CLN3: variants seen among roughly 807,000 people sequenced by gnomAD.
CLN3 encodes battenin.
Under a neutral mutation model 60.7 loss-of-function variants are expected in CLN3, and 49 were observed. That is an observed-to-expected ratio of 0.81 (90% CI 0.64 to 1.02). The LOEUF is 1.02. Ranked by LOEUF, CLN3 falls within the 50% of genes least tolerant of loss-of-function variation. The pLI is 0.00. For missense variants in CLN3, 516 were observed against 557.4 expected, an observed-to-expected ratio of 0.93 and a Z score of 0.75; for synonymous variants, 256 against 245.8, an observed-to-expected ratio of 1.04 and a Z score of -0.39.
At chr16:28,469,347 C>T, downstream of CLN3, among the ~76,000 whole-genome samples, 1 of 113,582 alleles carries the variant, frequency 8.8e-6, no homozygotes, top group Non-Finnish European at 2.1e-5. Flanking sequence ...GCCTGTAATC[C>T]CAACACTTTG....
At chr16:28,481,448 A>ACACACG (rs1555467996) in intron 14 of CLN3, among the ~76,000 whole-genome samples, 1 of 131,232 alleles carries the variant, frequency 7.6e-6, no homozygotes, top group Non-Finnish European at 1.6e-5. Context: ...ACACACACAC[A>ACACACG]CACACGCACA....
chr16:28,482,591 GC>G, intron 11 of CLN3, 34 bp downstream of exon 11: 2 of 1,614,110 alleles, frequency 1.2e-6, no homozygotes. Context: ...AGGTGAGCAA[GC>G]CCCACAGGGA....
chr16:28,473,839 G>A (rs2045970704), downstream of CLN3, among the ~76,000 whole-genome samples: 1 of 151,838 alleles, frequency 6.6e-6, no homozygotes. Flanking sequence ...GGTCAATAAG[G>A]ACATGAAAAG....
chr16:28,487,770 A>G (rs763755883), intron 5 of CLN3, 29 bp from the exon 6 acceptor site: 1 of 1,582,564 alleles, frequency 6.3e-7, no homozygotes, highest in Non-Finnish European at 8.6e-7. Flanking sequence ...GTGAGACCGC[A>G]GAGCTTCCAG....
At chr16:28,478,617 T>TAAAAAAAAAAAAAA (rs766238150) in intron 14 of CLN3, among the ~76,000 whole-genome samples, 10 of 74,352 alleles carry the variant, frequency 1.3e-4, no homozygotes, top group African/African-American at 7.6e-4. Context: ...TCCTGTCTCA[T>TAAAAAAAAAAAAAA]AAAAAAAAAA....
In CLN3 at chr16:28,482,533, A is replaced by G. The variant is rs201090501; in HGVS notation, c.850T>C (p.Tyr284His). The G allele has an allele frequency of 3.1e-6, 5 of 1,614,192 alleles. No homozygotes were observed. The highest frequency in any genetic ancestry group is 1.7e-5 in the Admixed American group (1 of 60,008). The change falls in exon 12 of 16, where the codon TAC becomes CAC. Residue 284 changes from tyrosine to histidine, a missense_variant. Coordinates refer to ENST00000636147, the MANE Select transcript of CLN3 (RefSeq NM_001042432.2). ...TAAACTACGACCAAGGGAACAATGT[A>G]CCACAGCAGACCCTGGAAAAGGCAG... ...RWTVFKGLLW[Y>H]IVPLVVVYFA...
At chr16:28,485,428 C>T (rs1250344506) in intron 9 of CLN3, among the ~76,000 whole-genome samples, 1 of 150,424 alleles carries the variant, frequency 6.6e-6, no homozygotes, top group Non-Finnish European at 1.5e-5. Context: ...ATTAGCCAGG[C>T]ATGGTGGCAT....
chr16:28,491,893 G>A (rs2046321105), intron 1 of CLN3, 58 bp from the exon 2 acceptor site: 2 of 1,178,888 alleles, frequency 1.7e-6, no homozygotes, highest in Admixed American at 2.0e-5. Context: ...GGCTTGTCTA[G>A]GGCACTCGCG....
chr16:28,478,326 T>C (rs1381438249), intron 14 of CLN3, among the ~76,000 whole-genome samples: 1 of 144,532 alleles, frequency 6.9e-6, no homozygotes, highest in Non-Finnish European at 1.5e-5. Flanking sequence ...AAAAAAATTC[T>C]CAACCTCAGC....
At chr16:28,488,785 C>T in intron 4 of CLN3, 123 bp from the exon 5 acceptor site, 1 of 889,458 alleles carries the variant, frequency 1.1e-6, no homozygotes, top group Admixed American at 1.7e-5. Flanking sequence ...ACTGACTTCT[C>T]AGGACCTCAG....
At chr16:28,489,450 C>A in intron 3 of CLN3, 64 bp from the exon 4 acceptor site, 1 of 1,160,364 alleles carries the variant, frequency 8.6e-7, no homozygotes, top group Non-Finnish European at 1.3e-6. Flanking sequence ...GCCTTTGTGC[C>A]AAACCTTCCC....
chr16:28,488,683 C>T (rs1186881450), intron 4 of CLN3, 21 bp from the exon 5 acceptor site: 2 of 1,611,890 alleles, frequency 1.2e-6, no homozygotes, highest in African/African-American at 1.3e-5. Flanking sequence ...AAAAGCATGT[C>T]TTTCACCCTG....
downstream of CLN3, chr16:28,476,786 T>C (rs971629407): frequency 5.2e-5 from 8 of 152,940 alleles, no homozygotes; most frequent in African/African-American, 1.9e-4. Context: ...TCCAACATGA[T>C]TGTTTACAGA....
chr16:28,468,747 C>T, the CLN3 span, among the ~76,000 whole-genome samples: 4 of 119,114 alleles, frequency 3.4e-5, no homozygotes, highest in African/African-American at 1.1e-4. Context: ...GCAGAGGTTG[C>T]AGTGAGCCGA....
intron 14 of CLN3, chr16:28,479,841 T>C: frequency 6.0e-6 from 1 of 166,236 alleles, no homozygotes; most frequent in South Asian, 1.2e-4. Context: ...CATGTTTCAG[T>C]GGTATCTACA....
chr16:28,488,961 G>C (rs1451182966), intron 4 of CLN3, among the ~76,000 whole-genome samples: 1 of 152,188 alleles, frequency 6.6e-6, no homozygotes, highest in African/African-American at 2.4e-5. Context: ...GAGTGCAGTG[G>C]TGTGATCTTG....
At chr16:28,472,407 T>G (rs2045957481), downstream of CLN3, among the ~76,000 whole-genome samples, 2 of 151,928 alleles carry the variant, frequency 1.3e-5, no homozygotes, top group African/African-American at 4.8e-5. Flanking sequence ...AAAATAAAAG[T>G]AAAAATAAAG....
Position 28,482,549 on chromosome 16 carries a change from GA to G in CLN3, c.838-5del. ...GAACAATGTACCACAGCAGACCCTG[GA>G]AAAGGCAGAAGATATAAGCGGGGGG... On this transcript the variant is annotated splice_region_variant and splice_polypyrimidine_tract_variant and intron_variant, in intron 11 of 15. Coordinates refer to ENST00000636147, the MANE Select transcript of CLN3 (RefSeq NM_001042432.2). The G allele has an allele frequency of 6.2e-7, 1 of 1,614,168 alleles. No individual in the cohort carries two copies. The highest frequency in any genetic ancestry group is 8.5e-7 in the Non-Finnish European group (1 of 1,180,032).
chr16:28,488,480 C>T, intron 5 of CLN3, 111 bp downstream of exon 5: 13 of 970,122 alleles, frequency 1.3e-5, no homozygotes, highest in Middle Eastern at 4.5e-4. Flanking sequence ...CAGCCCAGGT[C>T]TCAACTGTTT....
Sources: gnomAD v4.1 joint callset for allele counts (sites outside exome capture counted in the v4.1 genomes callset) on GRCh38, gnomAD v4.1.1 for gene constraint, MANE v1.5 for transcripts, NCBI Gene and HGNC (gene_info 2026-07-23, HGNC 2026-07-21) for gene names.